Variants in NCOA2 observed in about 807,000 individuals in gnomAD.
NCOA2 encodes the protein class E basic helix-loop-helix protein 75.
In NCOA2, 21 loss-of-function variants were observed where a neutral mutation model predicts 145.1. That is an observed-to-expected ratio of 0.14 (90% CI 0.10 to 0.21). The LOEUF is 0.21. Among genes scored for constraint, NCOA2 ranks in the 10% least tolerant of loss-of-function variants. The pLI, the probability that NCOA2 is intolerant of heterozygous loss-of-function variation, is 1.00. For synonymous variants in NCOA2, 619 were observed against 637.5 expected (o/e 0.97, Z 0.44); for missense variants, 1,472 against 1,837.6 (o/e 0.80, Z 3.64).
At chr8:70,441,317 AAGG>A in the NCOA2 span, among the ~76,000 whole-genome samples, 2 of 150,186 alleles carry the variant, frequency 1.3e-5, no homozygotes, top group African/African-American at 4.9e-5. Context: ...AGAAAGAGGA[AAGG>A]AGAGAGAAAG....
chr8:70,353,118 T>C (rs1316871455), intron 1 of NCOA2, among the ~76,000 whole-genome samples: 2 of 152,128 alleles, frequency 1.3e-5, no homozygotes, highest in Non-Finnish European at 2.9e-5. Flanking sequence ...ACATTTCTTT[T>C]TAAAAAAGTA....
intron 11 of NCOA2, among the ~76,000 whole-genome samples, chr8:70,154,029 T>C (rs1812035203): frequency 6.6e-6 from 1 of 152,176 alleles, no homozygotes. Flanking sequence ...GGAGCCCAGC[T>C]AGAAGAGCAA....
At chr8:70,363,994 C>T (rs1280487548) in intron 1 of NCOA2, among the ~76,000 whole-genome samples, 1 of 148,142 alleles carries the variant, frequency 6.8e-6, no homozygotes, top group Non-Finnish European at 1.5e-5. Context: ...ATATGCAGTA[C>T]AGGTGGGATA....
chr8:70,117,077 A>T (rs1807229292), intron 22 of NCOA2, among the ~76,000 whole-genome samples: 1 of 152,238 alleles, frequency 6.6e-6, no homozygotes, highest in Admixed American at 6.5e-5. Context: ...GATGTCTTAC[A>T]TCCTAACACT....
chr8:70,330,759 A>C (rs1008854002), intron 1 of NCOA2, among the ~76,000 whole-genome samples: 15 of 152,200 alleles, frequency 9.9e-5, no homozygotes, highest in Non-Finnish European at 2.1e-4. Flanking sequence ...TTACTGAGTC[A>C]CAAGAAAAAG....
the NCOA2 span, among the ~76,000 whole-genome samples, chr8:70,418,581 C>T: frequency 2.0e-5 from 3 of 152,182 alleles, no homozygotes; most frequent in Non-Finnish European, 4.4e-5. Flanking sequence ...AGAGACCACA[C>T]CGAGTCCCCC....
At chr8:70,184,463 T>G (rs1435535082) in intron 4 of NCOA2, among the ~76,000 whole-genome samples, 1 of 152,056 alleles carries the variant, frequency 6.6e-6, no homozygotes, top group East Asian at 1.9e-4. Context: ...TTCTTGTCCC[T>G]CCCACGCAGA....
intron 2 of NCOA2, among the ~76,000 whole-genome samples, chr8:70,246,080 G>A (rs1214469109): frequency 3.9e-5 from 6 of 151,992 alleles, no homozygotes; most frequent in Non-Finnish European, 8.8e-5. Flanking sequence ...CTTTAAGGCT[G>A]GTTACCTTTG....
chr8:70,433,354 A>T, the NCOA2 span, among the ~76,000 whole-genome samples: 8 of 152,194 alleles, frequency 5.3e-5, no homozygotes, highest in Admixed American at 5.2e-4. Context: ...AAAAAAAAAA[A>T]AAGAGGAGTC....
At chr8:70,278,745 T>C (rs1482691146) in intron 2 of NCOA2, among the ~76,000 whole-genome samples, 3 of 152,020 alleles carry the variant, frequency 2.0e-5, no homozygotes, top group African/African-American at 7.2e-5. Context: ...GGTGGGCAGA[T>C]CACTTGAGGC....
chr8:70,402,848 C>G (rs1478031854), intron 1 of NCOA2, among the ~76,000 whole-genome samples: 1 of 148,680 alleles, frequency 6.7e-6, no homozygotes, highest in Non-Finnish European at 1.5e-5. Context: ...AGGGGCGAGC[C>G]CGGCTCGGCG....
chr8:70,123,792 A>G (rs555063832), intron 21 of NCOA2, 92 bp downstream of exon 21: 3 of 1,108,582 alleles, frequency 2.7e-6, no homozygotes, highest in Admixed American at 3.1e-5. Context: ...GTTGGTGGCT[A>G]AAGTCAGATA....
intron 1 of NCOA2, among the ~76,000 whole-genome samples, chr8:70,326,427 T>A (rs977210487): frequency 4.3e-5 from 6 of 139,340 alleles, no homozygotes; most frequent in Admixed American, 1.6e-4. Context: ...CATTTCTCTC[T>A]CTCACACACA....
intron 4 of NCOA2, among the ~76,000 whole-genome samples, chr8:70,205,760 G>A (rs1020570053): frequency 6.6e-6 from 1 of 152,152 alleles, no homozygotes; most frequent in Non-Finnish European, 1.5e-5. Context: ...ACAAATCACA[G>A]GGGTACTAGT....
intron 3 of NCOA2, 44 bp from the exon 4 acceptor site, chr8:70,214,119 C>G: frequency 6.5e-7 from 1 of 1,543,228 alleles, no homozygotes; most frequent in East Asian, 2.3e-5. Flanking sequence ...TGAAAAAGAG[C>G]TATTGTGAAA....
chr8:70,446,922 C>T, the NCOA2 span, among the ~76,000 whole-genome samples: 1 of 152,176 alleles, frequency 6.6e-6, no homozygotes, highest in Admixed American at 6.5e-5. Context: ...TCCTTGGAAG[C>T]TAAATCTGAG....
At chr8:70,286,413 T>C (rs1826236163) in intron 2 of NCOA2, among the ~76,000 whole-genome samples, 1 of 152,156 alleles carries the variant, frequency 6.6e-6, no homozygotes, top group Non-Finnish European at 1.5e-5. Context: ...ATCTCTGTTT[T>C]AAAAAGATGT....
intron 6 of NCOA2, among the ~76,000 whole-genome samples, chr8:70,169,769 T>TA (rs967365441): frequency 6.6e-6 from 1 of 151,714 alleles, no homozygotes. Context: ...AATAAAAAAT[T>TA]AAAAAAAATA....
At chr8:70,143,201 G>A (rs141876041) in intron 13 of NCOA2, among the ~76,000 whole-genome samples, 6,899 of 152,120 alleles carry the variant, frequency 0.045, 260 homozygotes, top group East Asian at 0.16. Flanking sequence ...ACCCGCCTTG[G>A]CCTCCCAAAG....
Sources: allele counts gnomAD v4.1 joint callset (sites outside exome capture counted in the v4.1 genomes callset), GRCh38; gene constraint gnomAD v4.1.1; transcripts MANE v1.5; gene names NCBI Gene and HGNC (gene_info 2026-07-23, HGNC 2026-07-21).